Variants in PAK2 observed in about 807,000 individuals in gnomAD.
PAK2 encodes the protein serine/threonine-protein kinase PAK 2.
Under a neutral mutation model 65.9 loss-of-function variants are expected in PAK2, and 21 were observed. The ratio of observed to expected loss-of-function variants is 0.32; its 90% CI spans 0.23 to 0.46. The LOEUF (loss-of-function observed/expected upper bound fraction) is 0.46, where lower values mean the gene tolerates loss of function less well. Ranked by LOEUF, PAK2 falls within the 20% of genes least tolerant of loss-of-function variation. The pLI is 1.00. For synonymous variants in PAK2, 204 were observed against 219.7 expected (o/e 0.93, Z 0.63); for missense variants, 324 against 642.6 (o/e 0.50, Z 5.36).
intron 7 of PAK2, among the ~76,000 whole-genome samples, chr3:196,809,869 A>C (rs1328196547): frequency 6.6e-6 from 1 of 151,986 alleles, no homozygotes; most frequent in East Asian, 1.9e-4. Flanking sequence ...TGAGCAAGTG[A>C]AAGTTTAATG....
intron 1 of PAK2, among the ~76,000 whole-genome samples, chr3:196,762,766 G>A (rs2108722034): frequency 6.6e-6 from 1 of 150,974 alleles, no homozygotes; most frequent in East Asian, 1.9e-4. Flanking sequence ...TTGCACTCCA[G>A]CCTGGGCAAC....
chr3:196,753,203 C>T (rs538603899), intron 1 of PAK2, among the ~76,000 whole-genome samples: 8 of 151,634 alleles, frequency 5.3e-5, no homozygotes, highest in East Asian at 3.9e-4. Flanking sequence ...GTGATCCGCC[C>T]GCCTCAGCCT....
intron 11 of PAK2, among the ~76,000 whole-genome samples, chr3:196,817,060 C>G (rs751918372): frequency 6.6e-6 from 1 of 151,046 alleles, no homozygotes; most frequent in East Asian, 1.9e-4. Flanking sequence ...TGGGAATGAT[C>G]AAGGTTTTTT....
intron 13 of PAK2, among the ~76,000 whole-genome samples, chr3:196,823,279 C>T (rs192490437): frequency 2.0e-5 from 3 of 152,208 alleles, no homozygotes; most frequent in East Asian, 3.9e-4. Context: ...AAAAGACTAA[C>T]GGGATCTGTT....
At chr3:196,819,741 C>A (rs1201635327) in intron 12 of PAK2, among the ~76,000 whole-genome samples, 1 of 152,166 alleles carries the variant, frequency 6.6e-6, no homozygotes, top group East Asian at 1.9e-4. Flanking sequence ...CATCCTGCAC[C>A]TCCATTACAG....
chr3:196,825,012 T>C (rs1370863663), intron 13 of PAK2, among the ~76,000 whole-genome samples: 1 of 152,200 alleles, frequency 6.6e-6, no homozygotes, highest in African/African-American at 2.4e-5. Flanking sequence ...TGTTCAATTT[T>C]CTGTAAACCT....
At chr3:196,743,452 G>T (rs947411300) in intron 1 of PAK2, among the ~76,000 whole-genome samples, 3 of 152,114 alleles carry the variant, frequency 2.0e-5, no homozygotes, top group African/African-American at 7.2e-5. Flanking sequence ...ATCAAATGAG[G>T]GAATGCAGGT....
chr3:196,821,163 C>T (rs1295810442), intron 13 of PAK2, among the ~76,000 whole-genome samples: 1 of 151,902 alleles, frequency 6.6e-6, no homozygotes, highest in East Asian at 1.9e-4. Flanking sequence ...TTTAAATTAC[C>T]ATATGTGGCT....
In PAK2 at chr3:196,767,193, C is replaced by G. The variant is rs1444190710; in HGVS notation, c.-21-15433C>G. Among the ~76,000 whole-genome samples the G allele has an allele frequency of 2.0e-5, 3 of 152,164 alleles. No homozygotes were observed. The East Asian group carries it at 5.8e-4, about 29-fold the overall frequency. ...CTATTTATGGCTGTTTGAGTTACTT[C>G]CAGTCTTTTGCTGTTACTGATAATG... On this transcript the variant is annotated intron_variant, in intron 1 of 14. Coordinates refer to ENST00000327134, the MANE Select transcript of PAK2 (RefSeq NM_002577.4).
intron 1 of PAK2, among the ~76,000 whole-genome samples, chr3:196,753,736 A>G (rs182691025): frequency 1.2e-3 from 179 of 152,264 alleles, no homozygotes; most frequent in African/African-American, 3.5e-3. Context: ...ATCGCCTTGC[A>G]TTAATCATTT....
intron 7 of PAK2, among the ~76,000 whole-genome samples, chr3:196,809,172 C>T (rs4916553): frequency 0.18 from 26,974 of 148,842 alleles, 2,652 homozygotes; most frequent in East Asian, 0.32. Context: ...TGCTTGAGCC[C>T]GTGAGTTCAA....
At chr3:196,814,975 C>G (rs547132608) in intron 11 of PAK2, among the ~76,000 whole-genome samples, 2 of 150,360 alleles carry the variant, frequency 1.3e-5, no homozygotes, top group East Asian at 2.0e-4. Flanking sequence ...GTCAGGAGAT[C>G]GAGACCATCC....
chr3:196,822,878 TGA>T (rs1201245537), intron 13 of PAK2, among the ~76,000 whole-genome samples: 1 of 151,958 alleles, frequency 6.6e-6, no homozygotes, highest in East Asian at 1.9e-4. Flanking sequence ...CCTTGTGTAT[TGA>T]GAGATGATTC....
At position 196,813,865 on chromosome 3, in the gene PAK2, G is replaced by C. The variant is rs138812980; in HGVS notation, c.936-586G>C. Among the ~76,000 whole-genome samples, 850 of 152,140 alleles carry C rather than the reference G, an allele frequency of 5.6e-3. 10 individuals carry two copies. The highest frequency in any genetic ancestry group is 0.019 in the South Asian group (93 of 4,820). The stretch of plus-strand genomic sequence containing the variant: ...CTCAGGAGGCTGAGGCAGGAGAATT[G>C]CTTGAACCCAAGAGGTGGAGGCTGC... On this transcript the variant is annotated intron_variant, in intron 10 of 14. Transcript: ENST00000327134.
chr3:196,807,584 T>C (rs1192052808), intron 6 of PAK2, among the ~76,000 whole-genome samples, 198 bp from the exon 7 acceptor site: 1 of 152,210 alleles, frequency 6.6e-6, no homozygotes, highest in Admixed American at 6.6e-5. Flanking sequence ...ATATTCATGC[T>C]ATGCCAAAGA....
At chr3:196,765,163 T>A (rs11720503) in intron 1 of PAK2, among the ~76,000 whole-genome samples, 48,167 of 124,546 alleles carry the variant, frequency 0.39, 7,854 homozygotes, top group Non-Finnish European at 0.46. Context: ...TTTTTTTTTT[T>A]TTGAGACAGG....
At chr3:196,800,603 A>G (rs1715396303) in intron 2 of PAK2, among the ~76,000 whole-genome samples, 1 of 152,210 alleles carries the variant, frequency 6.6e-6, no homozygotes, top group Non-Finnish European at 1.5e-5. Context: ...CAAAATGGCA[A>G]TAAAATAATC....
chr3:196,823,300 T>G (rs1223066474), intron 13 of PAK2, among the ~76,000 whole-genome samples: 1 of 152,142 alleles, frequency 6.6e-6, no homozygotes, highest in Non-Finnish European at 1.5e-5. Flanking sequence ...CCCAAGTAAC[T>G]CAACTGCATT....
chr3:196,762,688 G>A (rs1482211048), intron 1 of PAK2, among the ~76,000 whole-genome samples: 1 of 151,662 alleles, frequency 6.6e-6, no homozygotes, highest in Non-Finnish European at 1.5e-5. Context: ...GAGAGGGAGA[G>A]GGAGAGGGAG....
Sources: gnomAD v4.1 joint callset for allele counts (sites outside exome capture counted in the v4.1 genomes callset) on GRCh38, gnomAD v4.1.1 for gene constraint, MANE v1.5 for transcripts, NCBI Gene and HGNC (gene_info 2026-07-23, HGNC 2026-07-21) for gene names.